The following PARP16 variants were observed in gnomAD, a reference collection of about 807,000 sequenced individuals.
PARP16 encodes the protein protein mono-ADP-ribosyltransferase PARP16.
PARP16 carries 31 observed loss-of-function variants against 35.0 expected under a neutral mutation model. The ratio of observed to expected loss-of-function variants is 0.88; its 90% CI spans 0.66 to 1.19. PARP16 has a LOEUF of 1.19. PARP16 is among the 50% of genes most tolerant of loss of function. The pLI is 0.00. For missense variants in PARP16, 424 were observed against 411.2 expected (o/e 1.03, Z -0.27); for synonymous variants, 162 against 169.5 (o/e 0.96, Z 0.34).
intron 3 of PARP16, among the ~76,000 whole-genome samples, chr15:65,264,791 T>C (rs2089838627): frequency 6.6e-6 from 1 of 152,182 alleles, no homozygotes; most frequent in African/African-American, 2.4e-5. Context: ...CAGTATCAAC[T>C]GGCAGATGGA....
At chr15:65,240,264 A>C (rs973163392) in intron 3 of PARP16, among the ~76,000 whole-genome samples, 7 of 149,146 alleles carry the variant, frequency 4.7e-5, no homozygotes, top group Middle Eastern at 3.2e-3. Flanking sequence ...CAGCCTCTCA[A>C]GTAGCTTGGC....
intron 3 of PARP16, among the ~76,000 whole-genome samples, chr15:65,236,245 A>G (rs1184194927): frequency 6.6e-6 from 1 of 152,222 alleles, no homozygotes; most frequent in African/African-American, 2.4e-5. Context: ...TGAATACTAC[A>G]AACCCTGTGG....
chr15:65,253,531 T>C (rs8034136), downstream of PARP16, among the ~76,000 whole-genome samples: 108,768 of 151,074 alleles, frequency 0.72, 39,969 homozygotes, highest in East Asian at 0.99. Flanking sequence ...GGGGTTTCAC[T>C]GTTTTAGCCG....
intron 3 of PARP16, among the ~76,000 whole-genome samples, chr15:65,240,999 A>AT (rs1330293032): frequency 6.6e-6 from 1 of 151,664 alleles, no homozygotes; most frequent in African/African-American, 2.4e-5. Context: ...AACCTGGATA[A>AT]TTTTTTGTAT....
downstream of PARP16, among the ~76,000 whole-genome samples, chr15:65,232,957 C>T (rs529096937): frequency 6.6e-6 from 1 of 151,898 alleles, no homozygotes; most frequent in Non-Finnish European, 1.5e-5. Context: ...CCACTGCACT[C>T]CAGCCTGGGC....
chr15:65,249,595 G>C (rs113529686), intron 2 of PARP16, among the ~76,000 whole-genome samples: 3,277 of 152,380 alleles, frequency 0.022, 56 homozygotes, highest in African/African-American at 0.045. Context: ...GGCAGGACTG[G>C]AGACAGGAAT....
rs955386947 is a variant in PARP16, at chr15:65,238,649, C to T, written c.*98-3826G>A. 1.2e-4 allele frequency among the ~76,000 whole-genome samples: 19 copies of T among 152,308 alleles called. No individual in the cohort carries two copies. In the East Asian group the frequency reaches 3.1e-3, roughly 25 times the overall value. ...GCCAGCTGCCTGATGACTCCCATGT[C>T]GACTCTCATCCCCCTCCATCCCTTC... is the stretch of plus-strand genomic sequence containing the variant. On this transcript the variant is annotated intron_variant and NMD_transcript_variant, in intron 3 of 3. Transcript: ENST00000559805.
At chr15:65,270,881 G>A (rs2090071282) in intron 2 of PARP16, 54 bp downstream of exon 2, 1 of 1,583,390 alleles carries the variant, frequency 6.3e-7, no homozygotes, top group Non-Finnish European at 8.7e-7. Flanking sequence ...ATTCAGTGCT[G>A]TCCTAGAGCC....
chr15:65,262,032 A>T (rs62012553), intron 4 of PARP16, among the ~76,000 whole-genome samples: 2,398 of 152,100 alleles, frequency 0.016, 56 homozygotes, highest in African/African-American at 0.049. Flanking sequence ...GTGGTGTCAG[A>T]CCTGGGCCTG....
intron 3 of PARP16, among the ~76,000 whole-genome samples, chr15:65,243,178 T>C (rs761577321): frequency 2.0e-5 from 3 of 152,230 alleles, no homozygotes; most frequent in Non-Finnish European, 4.4e-5. Flanking sequence ...TGAATAGAAG[T>C]GGTAAGAACA....
intron 4 of PARP16, among the ~76,000 whole-genome samples, chr15:65,262,163 C>T (rs910302560): frequency 4.1e-5 from 6 of 144,962 alleles, no homozygotes; most frequent in Admixed American, 3.6e-4. Flanking sequence ...GATGGAGTCT[C>T]GCTCTGTTGC....
At chr15:65,266,054 G>C (rs895495978) in intron 3 of PARP16, among the ~76,000 whole-genome samples, 1 of 151,964 alleles carries the variant, frequency 6.6e-6, no homozygotes, top group Non-Finnish European at 1.5e-5. Context: ...TCAGCCTCCC[G>C]AGTAGCTGGG....
At position 65,265,479 on chromosome 15, in the gene PARP16, G is replaced by T. The variant is rs137942116; in HGVS notation, c.519+1083C>A. Reference sequence around the variant, plus strand: ...TGTCTGTAATGCTCCTCCTATACCTGAGGGGTAAAATAAATGCCTGCAGAG... The same window carrying T: ...TGTCTGTAATGCTCCTCCTATACCTTAGGGGTAAAATAAATGCCTGCAGAG... On this transcript the variant is annotated intron_variant, in intron 3 of 5. Coordinates refer to ENST00000649807, the MANE Select transcript of PARP16 (RefSeq NM_001316943.2). 2.3e-3 allele frequency among the ~76,000 whole-genome samples: 356 copies of T among 152,258 alleles called. 1 individual carries two copies. Among genetic ancestry groups the T allele is most frequent in the Non-Finnish European group, 4.3e-3 (290 of 68,026 alleles).
downstream of PARP16, among the ~76,000 whole-genome samples, chr15:65,233,091 T>C (rs955187117): frequency 1.3e-5 from 2 of 152,350 alleles, no homozygotes; most frequent in Middle Eastern, 3.4e-3. Context: ...TACAGTATTG[T>C]GCTTATAGTT....
At chr15:65,253,147 AC>A (rs1352756835), downstream of PARP16, among the ~76,000 whole-genome samples, 19 of 139,982 alleles carry the variant, frequency 1.4e-4, no homozygotes, top group East Asian at 3.2e-3. Context: ...AAAAAAAAAA[AC>A]AAAACAAACA....
intron 3 of PARP16, among the ~76,000 whole-genome samples, chr15:65,246,699 A>C (rs1398304910): frequency 6.6e-6 from 1 of 152,172 alleles, no homozygotes; most frequent in Non-Finnish European, 1.5e-5. Flanking sequence ...CACAAGACTG[A>C]GAAGATGTCA....
chr15:65,266,730 C>T lies in PARP16; in HGVS notation c.351G>A (p.Thr117=), dbSNP rs145434412. Residue 117 remains threonine (T), a synonymous_variant, in exon 3 of 6, where the codon ACG becomes ACA. Transcript: ENST00000649807. ...KIQKLTGAPH[T]PVPAPDFLFE... is the part of the protein sequence containing the mutation. ...ACAGGAAGTCCGGTGCAGGAACAGG[C>T]GTGTGAGGAGCCCCAGTCAGCTTTT... 7.9e-3 allele frequency: 12,736 copies of T among 1,613,992 alleles called. 64 individuals are homozygous for T. Among genetic ancestry groups the T allele is most frequent in the Non-Finnish European group, 9.7e-3 (11,392 of 1,179,922 alleles).
In PARP16 at chr15:65,263,456, A is replaced by G. The variant is rs553442389; in HGVS notation, c.520-136T>C. Reference sequence around the variant, plus strand: ...CCCGCTTTTTGCCCCAGCAAGACACAGGATCAAATAATCCTGTGATATCAT... The same window carrying G: ...CCCGCTTTTTGCCCCAGCAAGACACGGGATCAAATAATCCTGTGATATCAT... On this transcript the variant is annotated intron_variant, in intron 3 of 5. Coordinates refer to ENST00000649807, the MANE Select transcript of PARP16 (RefSeq NM_001316943.2). The G allele has an allele frequency of 2.6e-5, 16 of 627,448 alleles. No homozygotes were observed. The Admixed American group carries it at 5.0e-4, about 20-fold the overall frequency. 38.9% of individuals were successfully genotyped at this position (627,448 alleles called of 1,614,324 possible).
chr15:65,267,008 G>A (rs776295429), intron 2 of PARP16, among the ~76,000 whole-genome samples: 4 of 152,052 alleles, frequency 2.6e-5, no homozygotes, highest in African/African-American at 7.2e-5. Flanking sequence ...TTGGGAGGCC[G>A]AGGCAGGTGG....
Sources: allele counts gnomAD v4.1 joint callset (sites outside exome capture counted in the v4.1 genomes callset), GRCh38; gene constraint gnomAD v4.1.1; transcripts MANE v1.5; gene names NCBI Gene and HGNC (gene_info 2026-07-23, HGNC 2026-07-21).